INO80D: variants seen among roughly 807,000 people sequenced by gnomAD.
INO80D encodes the protein INO80 complex subunit D.
A neutral mutation model predicts 87.6 loss-of-function variants in INO80D; 21 were observed. The ratio of observed to expected loss-of-function variants is 0.24; its 90% confidence interval spans 0.17 to 0.35. INO80D has a LOEUF of 0.35. Ranked by LOEUF, INO80D falls within the 10% of genes least tolerant of loss-of-function variation. INO80D has a pLI of 1.00. For missense variants in INO80D, 982 were observed against 1,280.7 expected (o/e 0.77, Z 3.56); for synonymous variants, 440 against 491.0 (o/e 0.90, Z 1.37).
At chr2:206,076,691 G>A (rs1017770892) in intron 1 of INO80D, among the ~76,000 whole-genome samples, 6 of 152,188 alleles carry the variant, frequency 3.9e-5, no homozygotes, top group African/African-American at 1.2e-4. Context: ...GTTTGCATTA[G>A]GAATTTCAAT....
chr2:206,004,416 T>G lies in INO80D; in HGVS notation c.3036A>C (p.Thr1012=). Residue 1012 remains threonine, a synonymous_variant, in exon 11 of 11, where the codon ACA becomes ACC. Transcript: ENST00000403263. The surrounding 1 kb of genome is among the most constrained non-coding windows in gnomAD (Gnocchi z 4.9). ...AAGATGCATTATTGGTACTTGTAGC[T>G]GTGGCACCTGTTACTGTGAAGCCTG... ...PPTGFTVTGA[T]ATSTNNASSP... 6.2e-7 allele frequency: 1 copy of G among 1,603,556 alleles called. No individual in the cohort carries two copies. Among genetic ancestry groups the G allele is most frequent in the Non-Finnish European group, 8.5e-7 (1 of 1,175,144 alleles).
chr2:206,033,619 G>A (rs1258711726), intron 5 of INO80D, among the ~76,000 whole-genome samples: 2 of 151,986 alleles, frequency 1.3e-5, no homozygotes, highest in Non-Finnish European at 1.5e-5. Flanking sequence ...AGCCCTAAAC[G>A]CCTACATCAA....
intron 5 of INO80D, among the ~76,000 whole-genome samples, chr2:206,029,096 G>A (rs1688696514): frequency 1.3e-5 from 2 of 151,958 alleles, no homozygotes; most frequent in Non-Finnish European, 2.9e-5. Flanking sequence ...CACCATGTTA[G>A]CTAGGATGGT....
Position 206,069,755 on chromosome 2 carries a change from A to G in INO80D, c.-123-6511T>C, listed in dbSNP as rs1198911929. ...ACTGATCCCATGTTATAAACGAGAA[A>G]AATTTCCAGACTTACAACTACCTAC... On this transcript the variant is annotated intron_variant, in intron 1 of 10. Coordinates refer to ENST00000403263, the MANE Select transcript of INO80D (RefSeq NM_017759.5). Among the ~76,000 whole-genome samples, 4 of 152,200 alleles carry G rather than the reference A, an allele frequency of 2.6e-5. No individual in the cohort carries two copies. In the South Asian group the frequency reaches 6.2e-4, roughly 24 times the overall value.
intron 3 of INO80D, among the ~76,000 whole-genome samples, chr2:206,057,881 CT>C (rs1333873270): frequency 6.6e-6 from 1 of 150,424 alleles, no homozygotes; most frequent in Non-Finnish European, 1.5e-5. Context: ...CTGACATGGA[CT>C]TTTCCTGTGG....
intron 4 of INO80D, among the ~76,000 whole-genome samples, chr2:206,054,103 G>A (rs1175011299): frequency 1.3e-5 from 2 of 151,822 alleles, no homozygotes; most frequent in East Asian, 3.9e-4. Context: ...GCCTCTCAAA[G>A]TGCTGGGATT....
chr2:206,036,312 G>A (rs1293239994), intron 5 of INO80D, among the ~76,000 whole-genome samples: 3 of 152,066 alleles, frequency 2.0e-5, no homozygotes, highest in African/African-American at 7.2e-5. Flanking sequence ...AGCACAATTC[G>A]CAACTGCAAA....
chr2:206,032,537 G>A (rs1688795780), intron 5 of INO80D, among the ~76,000 whole-genome samples: 1 of 152,168 alleles, frequency 6.6e-6, no homozygotes, highest in Admixed American at 6.5e-5. Context: ...CCAAAGTTAA[G>A]ACGAAGGAAA....
intron 7 of INO80D, among the ~76,000 whole-genome samples, chr2:206,018,218 G>A (rs781341026): frequency 2.0e-5 from 3 of 152,170 alleles, no homozygotes; most frequent in Non-Finnish European, 4.4e-5. Context: ...TCAGCTCACT[G>A]CCACCTCGGC....
rs759787881 is a variant in INO80D, at chr2:206,023,175, T to C, written c.1299-3330A>G. Among the ~76,000 whole-genome samples the C allele has an allele frequency of 1.0e-3, 158 of 152,152 alleles. 1 individual carries two copies. Among genetic ancestry groups the C allele is most frequent in the Non-Finnish European group, 1.7e-3 (116 of 68,016 alleles). Reference sequence around the variant, plus strand: ...AAGACAGCGCCATTGCACTCCAGCCTGGGCAACAAGAGTGACACTCCATCT... The same window carrying C: ...AAGACAGCGCCATTGCACTCCAGCCCGGGCAACAAGAGTGACACTCCATCT... On this transcript the variant is annotated intron_variant, in intron 6 of 10. Transcript: ENST00000403263.
rs1393237797 is a variant in INO80D at position 206,000,361 on chromosome 2, C to T, written c.*4007G>A. ...ATTGCCTTACACGTGCACTGCTGAC[C>T]GATGATGCCCACTGACCATCACCAG... On this transcript the variant is annotated 3_prime_UTR_variant, in exon 11 of 11. Coordinates refer to ENST00000403263, the MANE Select transcript of INO80D (RefSeq NM_017759.5). 2.6e-5 allele frequency: 4 copies of T among 151,288 alleles called. No individual in the cohort carries two copies. The highest frequency in any genetic ancestry group is 6.6e-5 in the Admixed American group (1 of 15,088). 9.4% of individuals were successfully genotyped at this position (151,288 alleles called of 1,614,324 possible).
chr2:206,067,558 T>A (rs1363539963), intron 1 of INO80D, among the ~76,000 whole-genome samples: 2 of 152,134 alleles, frequency 1.3e-5, no homozygotes, highest in Non-Finnish European at 2.9e-5. Context: ...AAAACATCAC[T>A]ATATACCCCA....
chr2:206,036,140 T>A lies in INO80D; in HGVS notation c.1074-7805A>T, dbSNP rs545055208. ...TCAGGGAACACTTCTACACTGCTGG[T>A]GGGAATGTAAACTAGTACAGCCACT... On this transcript the variant is annotated intron_variant, in intron 5 of 10. Coordinates refer to ENST00000403263, the MANE Select transcript of INO80D (RefSeq NM_017759.5). Among the ~76,000 whole-genome samples, 3 of 152,258 alleles carry A rather than the reference T, an allele frequency of 2.0e-5. No homozygotes were observed. In the South Asian group the frequency reaches 6.2e-4, roughly 32 times the overall value.
At chr2:206,039,823 A>G (rs1688994224) in intron 5 of INO80D, among the ~76,000 whole-genome samples, 2 of 151,412 alleles carry the variant, frequency 1.3e-5, no homozygotes, top group South Asian at 4.1e-4. Context: ...AAAAAAAAAA[A>G]AAAAAGAAAG....
intron 1 of INO80D, among the ~76,000 whole-genome samples, chr2:206,067,418 TAAC>T (rs1461716925): frequency 3.9e-5 from 6 of 152,062 alleles, no homozygotes; most frequent in African/African-American, 1.4e-4. Flanking sequence ...TGGCTATAGT[TAAC>T]AATAATTATT....
In INO80D at chr2:206,004,839, C is replaced by G. The variant is rs1231699761; in HGVS notation, c.2613G>C (p.Leu871Phe). ...GTGGCACCTCAAGTTGGGTTGGGAGCAAGTGCTGCGCCATGATGGGCATCT... is the reference window on the plus strand; with the variant it reads ...GTGGCACCTCAAGTTGGGTTGGGAGGAAGTGCTGCGCCATGATGGGCATCT... ...SAEMPIMAQHLLPTQLEVPLG... is the reference protein window; with the variant it reads ...SAEMPIMAQHFLPTQLEVPLG... Residue 871 changes from leucine to phenylalanine, a missense_variant, in exon 11 of 11, where the codon TTG (leucine) becomes TTC (phenylalanine). Coordinates refer to ENST00000403263, the MANE Select transcript of INO80D (RefSeq NM_017759.5). This position sits in a 1 kb window ranked among gnomAD's most constrained non-coding sequence, Gnocchi z 4.9. 1 of 1,614,008 alleles carries G rather than the reference C, an allele frequency of 6.2e-7. No individual in the cohort carries two copies. The highest frequency in any genetic ancestry group is 2.2e-5 in the East Asian group (1 of 44,882).
chr2:206,028,690 C>T (rs1688682033), intron 5 of INO80D, among the ~76,000 whole-genome samples: 1 of 152,020 alleles, frequency 6.6e-6, no homozygotes, highest in Non-Finnish European at 1.5e-5. Context: ...AATGACATGA[C>T]AGTTATGAGG....
At chr2:206,048,826 A>G (rs1180241900) in intron 4 of INO80D, among the ~76,000 whole-genome samples, 2 of 152,188 alleles carry the variant, frequency 1.3e-5, no homozygotes, top group Non-Finnish European at 2.9e-5. Context: ...CCTTGAGCCC[A>G]GGAGGTTGAG....
Position 205,998,736 on chromosome 2 carries a change from T to C in INO80D, c.*5632A>G, listed in dbSNP as rs745683363. The stretch of plus-strand genomic sequence containing the variant: ...CTGGAGGAGAAAGGAAAAAGTCCTA[T>C]GCAAGACACTGTGGGCTACAAAACC... On this transcript the variant is annotated 3_prime_UTR_variant, in exon 11 of 11. Transcript: ENST00000403263. 1 of 152,202 alleles carries C rather than the reference T, an allele frequency of 6.6e-6. No homozygotes were observed. Among genetic ancestry groups the C allele is most frequent in the Non-Finnish European group, 1.5e-5 (1 of 68,042 alleles). 9.4% of individuals were successfully genotyped at this position (152,202 alleles called of 1,614,324 possible).
Sources: allele counts gnomAD v4.1 joint callset (sites outside exome capture counted in the v4.1 genomes callset), GRCh38; gene constraint gnomAD v4.1.1; non-coding constraint Gnocchi (gnomAD v3.1); transcripts MANE v1.5; gene names NCBI Gene and HGNC (gene_info 2026-07-23, HGNC 2026-07-21).